Variants in ZKSCAN5 observed in about 807,000 individuals in gnomAD.
The protein encoded by ZKSCAN5 is zinc finger protein with KRAB and SCAN domains 5.
In ZKSCAN5, 28 loss-of-function variants were observed where a neutral mutation model predicts 60.0. The observed-to-expected ratio is 0.47, with a 90% CI of 0.35 to 0.64. The LOEUF (loss-of-function observed/expected upper bound fraction) is 0.64. Ranked by LOEUF, ZKSCAN5 falls within the 30% of genes least tolerant of loss-of-function variation. The probability of loss-of-function intolerance (pLI) is 0.01; values close to 1 mark genes in which losing one functional copy is unlikely to be tolerated. For synonymous variants in ZKSCAN5, 361 were observed against 371.2 expected, an observed-to-expected ratio of 0.97 and a Z score of 0.31; for missense variants, 881 against 1,034.6, an observed-to-expected ratio of 0.85 and a Z score of 2.04.
chr7:99,525,718 C>G, intron 5 of ZKSCAN5, 95 bp from the exon 6 acceptor site: 1 of 1,473,148 alleles, frequency 6.8e-7, no homozygotes, highest in South Asian at 1.4e-5. Context: ...ATCATGGATC[C>G]CTAGCACATG....
chr7:99,508,749 CAAAA>C (rs989645444), intron 2 of ZKSCAN5, among the ~76,000 whole-genome samples: 1 of 114,930 alleles, frequency 8.7e-6, no homozygotes, highest in Non-Finnish European at 1.8e-5. Flanking sequence ...ACTCCCATCT[CAAAA>C]AAAAAAAAAA....
rs1484430548 is a variant in ZKSCAN5, at chr7:99,520,319, A to G, written c.772+15A>G. The G allele has an allele frequency of 2.5e-6, 4 of 1,605,734 alleles. No individual in the cohort carries two copies. The highest frequency in any genetic ancestry group is 1.1e-5 in the South Asian group (1 of 89,378). ...TACTTCCATGGGTAAGGATTATTTC[A>G]TCTGCATGGATTAGGACATGTTTAT... On this transcript the variant is annotated intron_variant, in intron 5 of 6. Coordinates refer to ENST00000326775, the MANE Select transcript of ZKSCAN5 (RefSeq NM_145102.4).
chr7:99,531,386 G>T lies in ZKSCAN5; in HGVS notation c.1657G>T (p.Glu553Ter). Reference sequence around the variant, plus strand: ...TGGAGAGAGACCACATAAATGTAACGAGTGTGGGAAAAGCTTCATTCAGAG... The same window carrying T: ...TGGAGAGAGACCACATAAATGTAACTAGTGTGGGAAAAGCTTCATTCAGAG... ...STGERPHKCNECGKSFIQSAH... is the reference protein window; with the variant it reads ...STGERPHKCN The change falls in exon 7 of 7, where the codon GAG becomes TAG. Residue 553 changes from glutamate (E) to a stop codon, truncating the protein, a stop_gained. Coordinates refer to ENST00000326775, the MANE Select transcript of ZKSCAN5 (RefSeq NM_145102.4). LOFTEE classifies it high-confidence loss of function. 1 of 1,614,136 alleles carries T rather than the reference G, an allele frequency of 6.2e-7. No individual in the cohort carries two copies. The highest frequency in any genetic ancestry group is 2.2e-5 in the East Asian group (1 of 44,882).
At chr7:99,530,606 T>G (rs1801998876) in intron 6 of ZKSCAN5, among the ~76,000 whole-genome samples, 1 of 152,196 alleles carries the variant, frequency 6.6e-6, no homozygotes, top group African/African-American at 2.4e-5. Context: ...TGCCATCCTG[T>G]GGATGAGTCT....
intron 3 of ZKSCAN5, among the ~76,000 whole-genome samples, chr7:99,516,712 C>T (rs920469526): frequency 1.3e-5 from 2 of 152,084 alleles, no homozygotes; most frequent in Admixed American, 6.6e-5. Context: ...CCGGGTGTTG[C>T]GCATGCTGTT....
At chr7:99,506,766 T>G (rs1299752192) in intron 2 of ZKSCAN5, among the ~76,000 whole-genome samples, 1 of 152,078 alleles carries the variant, frequency 6.6e-6, no homozygotes, top group African/African-American at 2.4e-5. Context: ...CACTGCAAGC[T>G]CCGCCTCCCG....
At chr7:99,528,162 G>T (rs555131787) in intron 6 of ZKSCAN5, among the ~76,000 whole-genome samples, 94 of 142,398 alleles carry the variant, frequency 6.6e-4, no homozygotes, top group Middle Eastern at 3.6e-3. Context: ...GATGTTTACA[G>T]CCACGCTGCA....
Position 99,513,404 on chromosome 7 carries a change from T to C in ZKSCAN5, c.553+813T>C, listed in dbSNP as rs551832634. Reference sequence around the variant, plus strand: ...CTTTCTGTCATAGATTGTCTTTCTTTTATTTTTGAGACAGAGTCTCACCCT... The same window carrying C: ...CTTTCTGTCATAGATTGTCTTTCTTCTATTTTTGAGACAGAGTCTCACCCT... On this transcript the variant is annotated intron_variant, in intron 3 of 6. Transcript: ENST00000326775. Among the ~76,000 whole-genome samples the C allele has an allele frequency of 3.7e-4, 56 of 152,270 alleles. No homozygotes were observed. In the South Asian group the frequency reaches 0.011, roughly 31 times the overall value.
In ZKSCAN5 at chr7:99,532,342, C is replaced by T. The variant is rs374557131; in HGVS notation, c.*93C>T. ...ACTTCAAGCATTTTTCCAGCGTTACCATCAAACTCACAAATAGGTTGAAAT... is the reference window on the plus strand; with the variant it reads ...ACTTCAAGCATTTTTCCAGCGTTACTATCAAACTCACAAATAGGTTGAAAT... On this transcript the variant is annotated 3_prime_UTR_variant, in exon 7 of 7. Coordinates refer to ENST00000326775, the MANE Select transcript of ZKSCAN5 (RefSeq NM_145102.4). The T allele has an allele frequency of 8.9e-6, 11 of 1,238,882 alleles. No individual in the cohort carries two copies. In the African/African-American group the frequency reaches 1.4e-4, roughly 15 times the overall value. The allele number at this position is 1,238,882 out of a possible 1,614,324, so 76.7% of individuals were successfully genotyped here.
In ZKSCAN5 at chr7:99,532,512, C is replaced by T. The variant is rs563119831; in HGVS notation, c.*263C>T. Reference sequence around the variant, plus strand: ...AAGAGAATCCATGGATGGACATGGTCGAGGAATTCGGAAAGCCTGCAGTTG... The same window carrying T: ...AAGAGAATCCATGGATGGACATGGTTGAGGAATTCGGAAAGCCTGCAGTTG... On this transcript the variant is annotated 3_prime_UTR_variant, in exon 7 of 7. Transcript: ENST00000326775. The T allele has an allele frequency of 5.5e-5, 18 of 327,796 alleles. No individual in the cohort carries two copies. Among genetic ancestry groups the T allele is most frequent in the Admixed American group, 8.8e-5 (2 of 22,670 alleles). 20.3% of individuals were successfully genotyped at this position (327,796 alleles called of 1,614,324 possible).
intron 6 of ZKSCAN5, among the ~76,000 whole-genome samples, chr7:99,528,083 TC>T (rs1403574695): frequency 6.6e-6 from 1 of 152,016 alleles, no homozygotes; most frequent in African/African-American, 2.4e-5. Flanking sequence ...TTACTAATAT[TC>T]TTCAGATGAT....
chr7:99,532,197 A>G lies in ZKSCAN5; in HGVS notation c.2468A>G (p.His823Arg). Residue 823 changes from histidine to arginine, a missense_variant, in exon 7 of 7, where the codon CAT becomes CGT. Physicochemically the swap from His to Arg is conservative, Grantham distance 29 (BLOSUM62 0). Coordinates refer to ENST00000326775, the MANE Select transcript of ZKSCAN5 (RefSeq NM_145102.4). ...SCSLFKHLRS[H>R]ERTDPINTLS... is the part of the protein sequence containing the mutation. ...AGCCTCTTTAAACACCTGAGAAGCC[A>G]TGAGAGGACAGATCCCATAAATACC... is the stretch of plus-strand genomic sequence containing the variant. 1 of 1,611,612 alleles carries G rather than the reference A, an allele frequency of 6.2e-7. No individual in the cohort carries two copies. The highest frequency in any genetic ancestry group is 1.1e-5 in the South Asian group (1 of 90,736).
chr7:99,533,319 G>A lies in ZKSCAN5; in HGVS notation c.*1070G>A. ...GAAGGTTGGGGTGGGAGTTTTGAGTGGGAAAGAGGATGACATGTGTGAGAG... is the reference window on the plus strand; with the variant it reads ...GAAGGTTGGGGTGGGAGTTTTGAGTAGGAAAGAGGATGACATGTGTGAGAG... On this transcript the variant is annotated 3_prime_UTR_variant, in exon 7 of 7. Coordinates refer to ENST00000326775, the MANE Select transcript of ZKSCAN5 (RefSeq NM_145102.4). The A allele has an allele frequency of 1.5e-6, 1 of 653,040 alleles. No individual in the cohort carries two copies. The highest frequency in any genetic ancestry group is 2.8e-6 in the Non-Finnish European group (1 of 354,142). The allele number at this position is 653,040 out of a possible 1,614,324, so 40.5% of individuals were successfully genotyped here. A position where few individuals can be genotyped will look rare whatever the true frequency, so the allele number is the denominator to read the frequency against.
intron 5 of ZKSCAN5, among the ~76,000 whole-genome samples, chr7:99,524,001 A>G (rs1801659958): frequency 6.6e-6 from 1 of 152,020 alleles, no homozygotes; most frequent in Admixed American, 6.6e-5. Flanking sequence ...TCTTATTACT[A>G]ATATAATACA....
intron 3 of ZKSCAN5, among the ~76,000 whole-genome samples, chr7:99,518,670 C>CTTTTT (rs993896580): frequency 1.4e-4 from 13 of 92,228 alleles, no homozygotes; most frequent in Admixed American, 3.9e-4. Context: ...AGAATGCATC[C>CTTTTT]TTTTTTTTTT....
chr7:99,519,697 C>A (rs777850207), intron 3 of ZKSCAN5, 130 bp from the exon 4 acceptor site: 4 of 764,618 alleles, frequency 5.2e-6, no homozygotes, highest in Middle Eastern at 4.8e-4. Context: ...AGGGTCTTGA[C>A]AGCCAGGCAG....
At chr7:99,523,724 A>C (rs1801649134) in intron 5 of ZKSCAN5, among the ~76,000 whole-genome samples, 1 of 152,118 alleles carries the variant, frequency 6.6e-6, no homozygotes, top group Non-Finnish European at 1.5e-5. Flanking sequence ...GGAGGAAAAA[A>C]CATAAAAAGT....
At chr7:99,525,489 G>A (rs944160158) in intron 5 of ZKSCAN5, among the ~76,000 whole-genome samples, 9 of 151,642 alleles carry the variant, frequency 5.9e-5, no homozygotes, top group African/African-American at 1.2e-4. Flanking sequence ...ACACATACAC[G>A]CGCGCGCGCA....
intron 2 of ZKSCAN5, among the ~76,000 whole-genome samples, chr7:99,508,697 C>T (rs974665774): frequency 3.3e-5 from 5 of 149,768 alleles, no homozygotes; most frequent in East Asian, 2.0e-4. Context: ...TGCAGTGAGC[C>T]GAGATTGCGC....
Sources: allele counts gnomAD v4.1 joint callset (sites outside exome capture counted in the v4.1 genomes callset), GRCh38; gene constraint gnomAD v4.1.1; transcripts MANE v1.5; gene names NCBI Gene and HGNC (gene_info 2026-07-23, HGNC 2026-07-21).